Variants in HIPK1 observed in about 807,000 individuals in gnomAD.
HIPK1 encodes homeodomain-interacting protein kinase 1.
HIPK1 carries 28 observed loss-of-function variants against 117.1 expected under a neutral mutation model. That is an observed-to-expected ratio of 0.24 (90% CI 0.18 to 0.33). The LOEUF is 0.33. HIPK1 is among the 10% of genes least tolerant of loss of function. The pLI is 1.00. For missense variants in HIPK1, 1,122 were observed against 1,475.1 expected, an observed-to-expected ratio of 0.76 and a Z score of 3.92; for synonymous variants, 605 against 562.5, an observed-to-expected ratio of 1.08 and a Z score of -1.07.
At chr1:113,972,432 C>T (rs1018285102) in intron 15 of HIPK1, among the ~76,000 whole-genome samples, 1 of 152,172 alleles carries the variant, frequency 6.6e-6, no homozygotes, top group African/African-American at 2.4e-5. Context: ...CCGAACACCC[C>T]CAGCCCCAAC....
intron 2 of HIPK1, among the ~76,000 whole-genome samples, chr1:113,945,185 C>T (rs1044612208): frequency 5.3e-5 from 8 of 152,128 alleles, no homozygotes; most frequent in Admixed American, 3.9e-4. Context: ...TGTATATCTT[C>T]TTTGGAGAAA....
chr1:113,968,398 AG>A, intron 12 of HIPK1, 43 bp from the exon 13 acceptor site: 1 of 1,384,440 alleles, frequency 7.2e-7, no homozygotes, highest in African/African-American at 1.4e-5. Flanking sequence ...ACAATTTGGA[AG>A]GCCAAGGACT....
Position 113,968,472 on chromosome 1 carries a change from C to T in HIPK1, c.2595C>T (p.Val865=), listed in dbSNP as rs1672601211. ...KSSLDVLPSQ[V]YSLVGSSPLR... is the part of the protein sequence containing the mutation. Reference sequence around the variant, plus strand: ...CTCTAGATGTTCTGCCTTCCCAAGTCTATTCTCTGGTTGGGAGCAGTCCCC... The same window carrying T: ...CTCTAGATGTTCTGCCTTCCCAAGTTTATTCTCTGGTTGGGAGCAGTCCCC... Residue 865 remains valine (V), a synonymous_variant, in exon 13 of 16, where the codon GTC becomes GTT. Coordinates refer to ENST00000426820, the MANE Select transcript of HIPK1 (RefSeq NM_198268.3). 2 of 1,613,990 alleles carry T rather than the reference C, an allele frequency of 1.2e-6. No individual in the cohort carries two copies. The highest frequency in any genetic ancestry group is 1.7e-6 in the Non-Finnish European group (2 of 1,179,836).
At chr1:113,959,520 TC>T (rs1173920408) in intron 8 of HIPK1, among the ~76,000 whole-genome samples, 4 of 152,220 alleles carry the variant, frequency 2.6e-5, no homozygotes, top group African/African-American at 9.7e-5. Context: ...GCCACTTTTT[TC>T]ACCACTTTTT....
intron 1 of HIPK1, among the ~76,000 whole-genome samples, chr1:113,933,795 A>C (rs1007502205): frequency 1.3e-5 from 2 of 152,126 alleles, no homozygotes; most frequent in African/African-American, 4.8e-5. Flanking sequence ...TGAGCCCTGG[A>C]GGTCCAGGCT....
chr1:113,943,763 A>G (rs1670801890), intron 2 of HIPK1, among the ~76,000 whole-genome samples: 1 of 152,202 alleles, frequency 6.6e-6, no homozygotes, highest in African/African-American at 2.4e-5. Flanking sequence ...TGTGCATTCC[A>G]AATTTCTCCA....
intron 3 of HIPK1, 92 bp from the exon 4 acceptor site, chr1:113,954,559 C>T (rs568015535): frequency 2.1e-5 from 28 of 1,349,520 alleles, no homozygotes; most frequent in Non-Finnish European, 2.8e-5. Context: ...TGATTTCTTC[C>T]TTTGCCTAAA....
At chr1:113,949,684 C>T (rs562477561) in intron 2 of HIPK1, among the ~76,000 whole-genome samples, 8 of 151,416 alleles carry the variant, frequency 5.3e-5, no homozygotes, top group East Asian at 2.0e-4. Flanking sequence ...CTGCAACCTC[C>T]GTCTCCTGGG....
chr1:113,943,746 C>T (rs1670800983), intron 2 of HIPK1, among the ~76,000 whole-genome samples: 1 of 152,234 alleles, frequency 6.6e-6, no homozygotes, highest in Non-Finnish European at 1.5e-5. Flanking sequence ...TTCCTACCAG[C>T]AGTGGATGTG....
Position 113,940,602 on chromosome 1 carries a change from C to T in HIPK1, c.219C>T (p.Gly73=). The part of the protein sequence containing the change: ...ANFNIPAYDQ[G]LLLPAPAVEH... ...TCAACATCCCTGCTTACGACCAGGG[C>T]CTCCTCCTCCCAGCTCCTGCAGTGG... is the stretch of plus-strand genomic sequence containing the variant. Residue 73 remains glycine (G), a synonymous_variant, in exon 2 of 16, where the codon GGC becomes GGT. Coordinates refer to ENST00000426820, the MANE Select transcript of HIPK1 (RefSeq NM_198268.3). 9 of 1,614,206 alleles carry T rather than the reference C, an allele frequency of 5.6e-6. No homozygotes were observed. Among genetic ancestry groups the T allele is most frequent in the Non-Finnish European group, 7.6e-6 (9 of 1,180,044 alleles).
Position 113,941,382 on chromosome 1 carries a change from G to A in HIPK1, c.999G>A (p.Val333=). 1 of 1,614,216 alleles carries A rather than the reference G, an allele frequency of 6.2e-7. No homozygotes were observed. The change falls in exon 2 of 16, where the codon GTG becomes GTA. Residue 333 remains valine, a synonymous_variant. Transcript: ENST00000426820. This position sits in a 1 kb window ranked among gnomAD's most constrained non-coding sequence, Gnocchi z 4.9. The part of the protein sequence containing the change: ...LVDPVRQPYR[V]KVIDFGSASH... ...ATCCAGTTCGCCAGCCCTACCGAGT[G>A]AAGGTCATTGACTTTGGTTCTGCTA... is the stretch of plus-strand genomic sequence containing the variant.
intron 2 of HIPK1, among the ~76,000 whole-genome samples, chr1:113,947,333 T>C (rs1671049581): frequency 6.6e-6 from 1 of 152,210 alleles, no homozygotes; most frequent in African/African-American, 2.4e-5. Flanking sequence ...CTGAACAAAC[T>C]AGCCAGCCTT....
chr1:113,962,789 C>A (rs1672212606), intron 9 of HIPK1, among the ~76,000 whole-genome samples: 1 of 151,926 alleles, frequency 6.6e-6, no homozygotes, highest in South Asian at 2.1e-4. Flanking sequence ...CATTTTGATT[C>A]TAAAATATAA....
rs1260231064 is a variant in HIPK1 at position 113,974,361 on chromosome 1, T to G, written c.*849T>G. The G allele has an allele frequency of 6.5e-6, 1 of 152,822 alleles. No individual in the cohort carries two copies. Among genetic ancestry groups the G allele is most frequent in the African/African-American group, 2.4e-5 (1 of 41,474 alleles). 9.5% of individuals were successfully genotyped at this position (152,822 alleles called of 1,614,324 possible). On this transcript the variant is annotated 3_prime_UTR_variant, in exon 16 of 16. Transcript: ENST00000426820. ...CTCTCTGATTCAGCTTAAATTTTTT[T>G]ATCGAAAAAGCCATTAAGGTGGTTA... is the stretch of plus-strand genomic sequence containing the variant.
chr1:113,973,526 G>A lies in HIPK1; in HGVS notation c.*14G>A, dbSNP rs1406717665. ...TCCTACTTATAGTTGGTGAGCATGA[G>A]GGAGGAGGAATCATGGCTACCTTCT... On this transcript the variant is annotated 3_prime_UTR_variant, in exon 16 of 16. Coordinates refer to ENST00000426820, the MANE Select transcript of HIPK1 (RefSeq NM_198268.3). 14 of 1,558,518 alleles carry A rather than the reference G, an allele frequency of 9.0e-6. No individual in the cohort carries two copies. Among genetic ancestry groups the A allele is most frequent in the South Asian group, 1.2e-5 (1 of 81,732 alleles).
intron 1 of HIPK1, among the ~76,000 whole-genome samples, chr1:113,930,346 T>C (rs894639491): frequency 1.3e-5 from 2 of 152,088 alleles, no homozygotes; most frequent in African/African-American, 4.8e-5. Flanking sequence ...TGGTTTTGGG[T>C]TATTTGTGCT....
chr1:113,956,222 G>A (rs1479819487), intron 5 of HIPK1, among the ~76,000 whole-genome samples: 1 of 151,732 alleles, frequency 6.6e-6, no homozygotes, highest in African/African-American at 2.4e-5. Flanking sequence ...TTACAGGCAC[G>A]TGCCACCATG....
intron 2 of HIPK1, among the ~76,000 whole-genome samples, chr1:113,947,007 C>G (rs1671030604): frequency 6.6e-6 from 1 of 152,140 alleles, no homozygotes; most frequent in African/African-American, 2.4e-5. Flanking sequence ...TTCTGTCTTT[C>G]AAAAAACCTC....
chr1:113,930,514 A>G (rs1252962343), intron 1 of HIPK1: 1 of 152,246 alleles, frequency 6.6e-6, no homozygotes, highest in East Asian at 1.9e-4. Flanking sequence ...TATCTGTACA[A>G]GGGAGATCTA....
Sources: gnomAD v4.1 joint callset for allele counts (sites outside exome capture counted in the v4.1 genomes callset) on GRCh38, gnomAD v4.1.1 for gene constraint, Gnocchi (gnomAD v3.1) non-coding constraint, MANE v1.5 for transcripts, NCBI Gene and HGNC (gene_info 2026-07-23, HGNC 2026-07-21) for gene names.